KCNT2: variants seen among roughly 807,000 people sequenced by gnomAD.
The protein encoded by KCNT2 is potassium channel subfamily T member 2.
KCNT2 carries 67 observed loss-of-function variants against 153.8 expected under a neutral mutation model. That is an observed-to-expected ratio of 0.44 (90% CI 0.36 to 0.53). The LOEUF (loss-of-function observed/expected upper bound fraction) is 0.53, where lower values mean the gene tolerates loss of function less well. Among genes scored for constraint, KCNT2 ranks in the 20% least tolerant of loss-of-function variants. The probability of loss-of-function intolerance (pLI) is 0.00; values close to 1 mark genes in which losing one functional copy is unlikely to be tolerated. For missense variants in KCNT2, 975 were observed against 1,354.8 expected (o/e 0.72, Z 4.40); for synonymous variants, 500 against 458.8 (o/e 1.09, Z -1.15).
intron 11 of KCNT2, among the ~76,000 whole-genome samples, 161 bp downstream of exon 11, chr1:196,425,691 G>C (rs1282149076): frequency 6.6e-6 from 1 of 151,816 alleles, no homozygotes; most frequent in Admixed American, 6.6e-5. Flanking sequence ...ATATATTTTT[G>C]ACCTTTTAGT....
At chr1:196,247,130 G>T (rs1655527361) in intron 26 of KCNT2, among the ~76,000 whole-genome samples, 1 of 151,994 alleles carries the variant, frequency 6.6e-6, no homozygotes, top group Admixed American at 6.6e-5. Flanking sequence ...AAGACTAGGA[G>T]AAATGTTTTT....
chr1:196,372,502 A>G (rs930178960), intron 14 of KCNT2, among the ~76,000 whole-genome samples: 2 of 151,972 alleles, frequency 1.3e-5, no homozygotes, highest in Admixed American at 6.6e-5. Context: ...TTCACTAGTT[A>G]TATTTTCTTT....
chr1:196,383,316 C>G (rs960522703), intron 13 of KCNT2, among the ~76,000 whole-genome samples: 1 of 152,120 alleles, frequency 6.6e-6, no homozygotes, highest in Non-Finnish European at 1.5e-5. Flanking sequence ...TATGTATATG[C>G]TTAGTAGTCT....
chr1:196,336,141 C>A (rs1190681289), intron 16 of KCNT2, among the ~76,000 whole-genome samples: 1 of 152,076 alleles, frequency 6.6e-6, no homozygotes, highest in Non-Finnish European at 1.5e-5. Context: ...CATTGTCTGT[C>A]CTGATTTTTG....
chr1:196,528,419 T>C (rs1033504388), intron 1 of KCNT2, among the ~76,000 whole-genome samples: 2 of 152,180 alleles, frequency 1.3e-5, no homozygotes, highest in Non-Finnish European at 2.9e-5. Context: ...ATAAATTATG[T>C]GATTCCTTTC....
chr1:196,457,302 CT>C (rs1676759417), intron 8 of KCNT2, among the ~76,000 whole-genome samples: 1 of 151,512 alleles, frequency 6.6e-6, no homozygotes, highest in Non-Finnish European at 1.5e-5. Context: ...CTAGTACTTA[CT>C]TTTTATATAT....
intron 14 of KCNT2, 42 bp from the exon 15 acceptor site, chr1:196,342,270 A>C (rs1415742476): frequency 6.5e-7 from 1 of 1,543,970 alleles, no homozygotes; most frequent in Non-Finnish European, 8.8e-7. Flanking sequence ...ACAAAAAGAA[A>C]ACACAGTGAA....
chr1:196,401,619 A>T (rs983742817), intron 12 of KCNT2, among the ~76,000 whole-genome samples: 3 of 151,738 alleles, frequency 2.0e-5, no homozygotes, highest in Non-Finnish European at 4.4e-5. Context: ...TTGAACATAG[A>T]TCAATAGAAT....
chr1:196,355,542 TA>T (rs1284373504), intron 14 of KCNT2, among the ~76,000 whole-genome samples: 3 of 151,648 alleles, frequency 2.0e-5, no homozygotes, highest in South Asian at 2.1e-4. Context: ...CAATGAGAAA[TA>T]AAAAAAGGTG....
chr1:196,319,375 T>C, intron 20 of KCNT2, 109 bp downstream of exon 20: 1 of 580,188 alleles, frequency 1.7e-6, no homozygotes, highest in Non-Finnish European at 3.1e-6. Context: ...TATATCATAT[T>C]TGCAATACTG....
intron 1 of KCNT2, among the ~76,000 whole-genome samples, chr1:196,541,105 C>A (rs951251849): frequency 2.1e-5 from 3 of 141,500 alleles, no homozygotes; most frequent in Non-Finnish European, 4.5e-5. Flanking sequence ...AAATAAAAAT[C>A]TATTTATATT....
intron 8 of KCNT2, among the ~76,000 whole-genome samples, chr1:196,455,395 G>C (rs1184466091): frequency 6.6e-6 from 1 of 151,892 alleles, no homozygotes; most frequent in Non-Finnish European, 1.5e-5. Flanking sequence ...TTTCCTACCG[G>C]AAGCTTGAAC....
intron 8 of KCNT2, among the ~76,000 whole-genome samples, chr1:196,455,391 ACCGGAAGC>A (rs1676574076): frequency 2.0e-5 from 3 of 151,914 alleles, no homozygotes; most frequent in Admixed American, 2.0e-4. Context: ...TTGTTTTCCT[ACCGGAAGC>A]TTGAACAAGT....
intron 1 of KCNT2, among the ~76,000 whole-genome samples, chr1:196,545,687 T>C (rs1656977427): frequency 1.3e-5 from 2 of 151,956 alleles, no homozygotes; most frequent in Admixed American, 6.6e-5. Context: ...AAAGAAATGG[T>C]GCACCCATTT....
intron 21 of KCNT2, among the ~76,000 whole-genome samples, chr1:196,309,004 T>C (rs1487649306): frequency 6.6e-6 from 1 of 151,870 alleles, no homozygotes; most frequent in Non-Finnish European, 1.5e-5. Context: ...CTTTAAACAC[T>C]ATAATATAAT....
At chr1:196,348,452 G>A (rs1666326573) in intron 14 of KCNT2, among the ~76,000 whole-genome samples, 1 of 152,090 alleles carries the variant, frequency 6.6e-6, no homozygotes, top group South Asian at 2.1e-4. Flanking sequence ...ATTACTAACT[G>A]TTAACCTTGA....
chr1:196,359,858 C>T (rs1330619100), intron 14 of KCNT2, among the ~76,000 whole-genome samples: 1 of 151,500 alleles, frequency 6.6e-6, no homozygotes. Context: ...GGAGTACATG[C>T]TATATATAAG....
intron 15 of KCNT2, among the ~76,000 whole-genome samples, chr1:196,341,515 G>C (rs897551191): frequency 6.6e-6 from 1 of 151,482 alleles, no homozygotes; most frequent in Non-Finnish European, 1.5e-5. Flanking sequence ...CCTCCAAAAT[G>C]TGTCACATTA....
chr1:196,372,184 A>G (rs1558208784), intron 14 of KCNT2, among the ~76,000 whole-genome samples: 3 of 152,106 alleles, frequency 2.0e-5, no homozygotes, highest in South Asian at 2.1e-4. Flanking sequence ...TACCATCCCA[A>G]TTAGGCAGTC....
Sources: allele counts gnomAD v4.1 joint callset (sites outside exome capture counted in the v4.1 genomes callset), GRCh38; gene constraint gnomAD v4.1.1; transcripts MANE v1.5; gene names NCBI Gene and HGNC (gene_info 2026-07-23, HGNC 2026-07-21).